The following FBN2 variants were observed in gnomAD, a reference collection of about 807,000 sequenced individuals.
FBN2 encodes fibrillin-2.
Under a neutral mutation model 355.6 loss-of-function variants are expected in FBN2, and 105 were observed. The observed-to-expected ratio is 0.30, with a 90% confidence interval of 0.25 to 0.35. The LOEUF is 0.35. FBN2 is among the 10% of genes least tolerant of loss of function. The probability of loss-of-function intolerance (pLI) is 1.00; values close to 1 mark genes in which losing one functional copy is unlikely to be tolerated. For missense variants in FBN2, 3,280 were observed against 3,758.7 expected (o/e 0.87, Z 3.33); for synonymous variants, 1,350 against 1,301.2 (o/e 1.04, Z -0.81).
chr5:128,444,682 A>C (rs1754020907), intron 7 of FBN2, among the ~76,000 whole-genome samples: 1 of 152,234 alleles, frequency 6.6e-6, no homozygotes, highest in African/African-American at 2.4e-5. Context: ...TTCCTAAAGA[A>C]CATAGGCAAG....
rs941219425 is a variant in FBN2 at position 128,336,103 on chromosome 5, T to C, written c.3609A>G (p.Glu1203=). ...TGCAGAGATTGTCACTCAGGGAGCA[T>C]TCATTAATATCTATAAAAGATACAC... The part of the protein sequence containing the change: ...PSREDCVDIN[E]CSLSDNLCRN... The change falls in exon 28 of 65, where the codon GAA becomes GAG. Residue 1203 remains glutamate (E), a synonymous_variant. Coordinates refer to ENST00000262464, the MANE Select transcript of FBN2 (RefSeq NM_001999.4). The C allele has an allele frequency of 5.6e-6, 9 of 1,613,328 alleles. No homozygotes were observed. Among genetic ancestry groups the C allele is most frequent in the Non-Finnish European group, 7.6e-6 (9 of 1,179,618 alleles).
chr5:128,282,281 A>G (rs1210445571), intron 55 of FBN2, among the ~76,000 whole-genome samples: 2 of 152,110 alleles, frequency 1.3e-5, no homozygotes, highest in Admixed American at 6.6e-5. Context: ...AGAAAAAAAC[A>G]CTTACTTCAG....
rs138063920 is a variant in FBN2 at position 128,395,249 on chromosome 5, C to A, written c.1104G>T (p.Ser368=). 4 of 1,613,934 alleles carry A rather than the reference C, an allele frequency of 2.5e-6. No individual in the cohort carries two copies. In the East Asian group the frequency reaches 8.9e-5, roughly 36 times the overall value. Reference sequence around the variant, plus strand: ...GTGCACAGCGGCCATTCACCAGGCCCGAGAAACACATGCCTGTTCTCTGAT... The same window carrying A: ...GTGCACAGCGGCCATTCACCAGGCCAGAGAAACACATGCCTGTTCTCTGAT... The part of the protein sequence containing the change: ...CIDQRTGMCF[S]GLVNGRCAQE... The change falls in exon 9 of 65, where the codon TCG becomes TCT. Residue 368 remains serine (S), a synonymous_variant. Coordinates refer to ENST00000262464, the MANE Select transcript of FBN2 (RefSeq NM_001999.4).
At position 128,455,990 on chromosome 5, in the gene FBN2, C is replaced by CAAAAAAAAAA. The variant is rs70997371; in HGVS notation, c.826+8724_826+8733dup. ...GAGCTCCTTGGGGGAGGGTTAGCAA[C>CAAAAAAAAAA]AAAAAAAAAAAAAAAAAAAAAAAAA... On this transcript the variant is annotated intron_variant, in intron 6 of 64. Coordinates refer to ENST00000262464, the MANE Select transcript of FBN2 (RefSeq NM_001999.4). 7.2e-3 allele frequency among the ~76,000 whole-genome samples: 182 copies of CAAAAAAAAAA among 25,274 alleles called. 58 individuals are homozygous for CAAAAAAAAAA. Among genetic ancestry groups the CAAAAAAAAAA allele is most frequent in the African/African-American group, 0.011 (102 of 8,998 alleles). The allele number at this position is 25,274 out of a possible 152,430, so 16.6% of individuals were successfully genotyped here.
chr5:128,281,759 C>T (rs376907508), intron 55 of FBN2, among the ~76,000 whole-genome samples: 2 of 152,188 alleles, frequency 1.3e-5, no homozygotes. Flanking sequence ...AATCTTGGCT[C>T]ATTGCAAGCT....
At position 128,378,794 on chromosome 5, in the gene FBN2, G is replaced by A. The variant is rs574943848; in HGVS notation, c.1700C>T (p.Thr567Ile). 2.5e-6 allele frequency: 4 copies of A among 1,613,176 alleles called. No individual in the cohort carries two copies. In the East Asian group the frequency reaches 8.9e-5, roughly 36 times the overall value. The change falls in exon 12 of 65, where the codon ACT becomes ATT. Residue 567 changes from threonine (T) to isoleucine (I), a missense_variant. Coordinates refer to ENST00000262464, the MANE Select transcript of FBN2 (RefSeq NM_001999.4). The stretch of plus-strand genomic sequence containing the variant: ...ACCAATGCATGCTTGCTTGGTAGGA[G>A]TCCTCTGGAATCCAGCATGACATTT... ...YCKCHAGFQRTPTKQACIDID... is the reference protein window; with the variant it reads ...YCKCHAGFQRIPTKQACIDID...
intron 7 of FBN2, among the ~76,000 whole-genome samples, chr5:128,439,392 A>G (rs1753857642): frequency 6.6e-6 from 1 of 152,188 alleles, no homozygotes; most frequent in South Asian, 2.1e-4. Context: ...CACCCTCACC[A>G]ATACAGTTTG....
chr5:128,276,374 ATGTCTAGACAAC>A (rs1337127981), intron 58 of FBN2, among the ~76,000 whole-genome samples: 5 of 152,188 alleles, frequency 3.3e-5, no homozygotes, highest in Non-Finnish European at 7.3e-5. Flanking sequence ...AAATATTATG[ATGTCTAGACAAC>A]TGTCTGGGTC....
At chr5:128,493,037 A>G (rs1755554345) in intron 5 of FBN2, among the ~76,000 whole-genome samples, 1 of 152,192 alleles carries the variant, frequency 6.6e-6, no homozygotes, top group Non-Finnish European at 1.5e-5. Context: ...GGCTTTATCC[A>G]TCTTAATTAG....
At chr5:128,335,403 T>C (rs1349831835) in intron 29 of FBN2, 52 bp downstream of exon 29, 8 of 1,613,266 alleles carry the variant, frequency 5.0e-6, no homozygotes, top group Non-Finnish European at 5.9e-6. Flanking sequence ...AGCCATATTT[T>C]CAAGAAAAAA....
At chr5:128,490,299 G>T (rs1440638231) in intron 5 of FBN2, among the ~76,000 whole-genome samples, 1 of 152,178 alleles carries the variant, frequency 6.6e-6, no homozygotes, top group Non-Finnish European at 1.5e-5. Flanking sequence ...TAGCCATACT[G>T]ATGGTGAGAG....
At chr5:128,368,354 C>G (rs1403145973) in intron 16 of FBN2, among the ~76,000 whole-genome samples, 2 of 150,610 alleles carry the variant, frequency 1.3e-5, no homozygotes, top group African/African-American at 4.9e-5. Context: ...GAGACTGTGA[C>G]TTGAGACCAC....
intron 5 of FBN2, among the ~76,000 whole-genome samples, chr5:128,470,158 AACAGGAGATTGTACTCCC>A (rs1426865261): frequency 2.0e-5 from 3 of 152,204 alleles, no homozygotes; most frequent in African/African-American, 7.2e-5. Flanking sequence ...ATGGGAGAGC[AACAGGAGATTGTACTCCC>A]ACAGGACATA....
At chr5:128,451,826 C>T (rs1754256262) in intron 6 of FBN2, among the ~76,000 whole-genome samples, 3 of 152,124 alleles carry the variant, frequency 2.0e-5, no homozygotes, top group Admixed American at 2.0e-4. Flanking sequence ...AAAAATGAGA[C>T]CAAGTCTATA....
At chr5:128,278,536 T>G (rs185321677) in intron 57 of FBN2, 99 bp downstream of exon 57, 1 of 1,030,648 alleles carries the variant, frequency 9.7e-7, no homozygotes, top group Non-Finnish European at 1.5e-6. Flanking sequence ...TTTTAGCTAC[T>G]CTTTTGATTG....
At chr5:128,303,984 G>A (rs1191196195) in intron 45 of FBN2, among the ~76,000 whole-genome samples, 1 of 152,056 alleles carries the variant, frequency 6.6e-6, no homozygotes, top group African/African-American at 2.4e-5. Context: ...GCCATTATAG[G>A]AGAAGTCCAA....
chr5:128,294,061 C>G (rs1749421689), intron 48 of FBN2, among the ~76,000 whole-genome samples: 2 of 149,900 alleles, frequency 1.3e-5, no homozygotes, highest in Non-Finnish European at 3.0e-5. Context: ...TTGTTCAATT[C>G]CCACCTATGA....
Position 128,317,267 on chromosome 5 carries a change from A to G in FBN2, c.4717+882T>C, listed in dbSNP as rs1352680547. ...TCCCTGCCTCTAGAATGTAAACACAAAAGCAGAGAATGTGCTTGTTCTGTT... is the reference window on the plus strand; with the variant it reads ...TCCCTGCCTCTAGAATGTAAACACAGAAGCAGAGAATGTGCTTGTTCTGTT... On this transcript the variant is annotated intron_variant, in intron 36 of 64. Coordinates refer to ENST00000262464, the MANE Select transcript of FBN2 (RefSeq NM_001999.4). Among the ~76,000 whole-genome samples the G allele has an allele frequency of 2.0e-5, 3 of 152,164 alleles. No individual in the cohort carries two copies. In the East Asian group the frequency reaches 5.8e-4, roughly 29 times the overall value.
At chr5:128,489,460 A>T (rs973276041) in intron 5 of FBN2, among the ~76,000 whole-genome samples, 5 of 152,012 alleles carry the variant, frequency 3.3e-5, no homozygotes, top group South Asian at 2.1e-4. Context: ...TGTTTTTCTC[A>T]TATCTTTTCA....
Sources: allele counts gnomAD v4.1 joint callset (sites outside exome capture counted in the v4.1 genomes callset), GRCh38; gene constraint gnomAD v4.1.1; transcripts MANE v1.5; gene names NCBI Gene and HGNC (gene_info 2026-07-23, HGNC 2026-07-21).